The following ZDHHC21 variants were observed in gnomAD, a reference collection of about 807,000 sequenced individuals.
ZDHHC21 encodes the protein palmitoyltransferase ZDHHC21.
ZDHHC21 carries 15 observed loss-of-function variants against 34.6 expected under a neutral mutation model. The observed-to-expected ratio is 0.43, with a 90% CI of 0.29 to 0.67. The LOEUF is 0.67. ZDHHC21 is among the 30% of genes least tolerant of loss of function. The pLI, the probability that ZDHHC21 is intolerant of heterozygous loss-of-function variation, is 0.14. For synonymous variants in ZDHHC21, 142 were observed against 101.8 expected, an observed-to-expected ratio of 1.40 and a Z score of -2.38; for missense variants, 344 against 327.7, an observed-to-expected ratio of 1.05 and a Z score of -0.38.
chr9:14,627,245 A>G lies in ZDHHC21; in HGVS notation c.622-7563T>C, dbSNP rs533264205. Among the ~76,000 whole-genome samples, 568 of 152,298 alleles carry G rather than the reference A, an allele frequency of 3.7e-3. 3 individuals are homozygous for G. The highest frequency in any genetic ancestry group is 0.014 in the Middle Eastern group (4 of 294). ...ACAGTCTCCTTTAAACTGATTTCACACTTGGAACACAAGATACTTTTCAGT... is the reference window on the plus strand; with the variant it reads ...ACAGTCTCCTTTAAACTGATTTCACGCTTGGAACACAAGATACTTTTCAGT... On this transcript the variant is annotated intron_variant, in intron 8 of 9. Coordinates refer to ENST00000380916, the MANE Select transcript of ZDHHC21 (RefSeq NM_178566.6).
chr9:14,669,618 T>C (rs1378010778), intron 5 of ZDHHC21, among the ~76,000 whole-genome samples: 4 of 143,952 alleles, frequency 2.8e-5, no homozygotes, highest in African/African-American at 1.0e-4. Context: ...TGTCCAACAA[T>C]GATAGACTGG....
the ZDHHC21 span, among the ~76,000 whole-genome samples, chr9:14,592,978 A>C: frequency 6.6e-6 from 1 of 152,204 alleles, no homozygotes; most frequent in Non-Finnish European, 1.5e-5. Flanking sequence ...AAAAGAACAC[A>C]GCATATCAAA....
intron 7 of ZDHHC21, among the ~76,000 whole-genome samples, chr9:14,652,409 T>C (rs1320622518): frequency 2.0e-5 from 3 of 152,110 alleles, no homozygotes; most frequent in African/African-American, 7.2e-5. Context: ...TCTTAGTCCT[T>C]ACTTCCTCAA....
the ZDHHC21 span, among the ~76,000 whole-genome samples, chr9:14,599,302 C>T: frequency 6.6e-6 from 1 of 152,110 alleles, no homozygotes; most frequent in Non-Finnish European, 1.5e-5. Flanking sequence ...GAGGATGAGC[C>T]AAAGCAGGGT....
rs115060003 is a variant in ZDHHC21, at chr9:14,625,148, C to T, written c.622-5466G>A. Among the ~76,000 whole-genome samples, 803 of 152,080 alleles carry T rather than the reference C, an allele frequency of 5.3e-3. 10 individuals carry two copies. The highest frequency in any genetic ancestry group is 0.018 in the African/African-American group (765 of 41,532). ...AGCACATACTGTACAAAATGGTCAA[C>T]TTAATATAAATTTGCAGCACTAAAC... On this transcript the variant is annotated intron_variant, in intron 8 of 9. Coordinates refer to ENST00000380916, the MANE Select transcript of ZDHHC21 (RefSeq NM_178566.6).
the ZDHHC21 span, among the ~76,000 whole-genome samples, chr9:14,593,419 T>C: frequency 6.6e-6 from 1 of 152,024 alleles, no homozygotes; most frequent in Non-Finnish European, 1.5e-5. Flanking sequence ...TCCTAGAAAA[T>C]ACATAAATTT....
intron 7 of ZDHHC21, among the ~76,000 whole-genome samples, chr9:14,656,191 C>CATT (rs1832174028): frequency 6.6e-6 from 1 of 151,864 alleles, no homozygotes; most frequent in South Asian, 2.1e-4. Context: ...AACTACTGAA[C>CATT]ATTCATTTGC....
chr9:14,633,386 T>C (rs997495648), intron 8 of ZDHHC21, among the ~76,000 whole-genome samples: 1 of 152,126 alleles, frequency 6.6e-6, no homozygotes, highest in Admixed American at 6.5e-5. Flanking sequence ...TGCAGACTCC[T>C]GCATCCTAGC....
intron 3 of ZDHHC21, among the ~76,000 whole-genome samples, chr9:14,676,094 C>T (rs539671904): frequency 2.0e-5 from 3 of 151,800 alleles, no homozygotes; most frequent in Non-Finnish European, 2.9e-5. Flanking sequence ...ATTAACATGA[C>T]GAAATGTGTA....
Position 14,614,161 on chromosome 9 carries a change from C to A in ZDHHC21, c.*4805G>T, listed in dbSNP as rs1586846942. ...TGCTGAGATGCTGATTATTCATGCA[C>A]CATCTAGCCTTCTCTCCATCTTAGT... On this transcript the variant is annotated 3_prime_UTR_variant, in exon 10 of 10. Coordinates refer to ENST00000380916, the MANE Select transcript of ZDHHC21 (RefSeq NM_178566.6). 1.3e-5 allele frequency: 2 copies of A among 151,790 alleles called. No individual in the cohort carries two copies. Among genetic ancestry groups the A allele is most frequent in the South Asian group, 4.1e-4 (2 of 4,822 alleles). The allele number at this position is 151,790 out of a possible 1,614,324, so 9.4% of individuals were successfully genotyped here.
chr9:14,604,521 G>A, the ZDHHC21 span, among the ~76,000 whole-genome samples: 1,059 of 152,192 alleles, frequency 7.0e-3, 17 homozygotes, highest in African/African-American at 0.024. Context: ...GCTACCTCTA[G>A]GGAGGAAAAC....
At chr9:14,689,878 T>C (rs1170446624) in intron 2 of ZDHHC21, among the ~76,000 whole-genome samples, 1 of 152,136 alleles carries the variant, frequency 6.6e-6, no homozygotes, top group African/African-American at 2.4e-5. Context: ...GCTCACTTCA[T>C]TAGAATCTTC....
At chr9:14,661,520 G>T (rs1395452764) in intron 6 of ZDHHC21, among the ~76,000 whole-genome samples, 2 of 152,154 alleles carry the variant, frequency 1.3e-5, no homozygotes, top group African/African-American at 2.4e-5. Flanking sequence ...TAAGAAAACA[G>T]AATTAAATAC....
chr9:14,607,151 T>C (rs1400676183), downstream of ZDHHC21, among the ~76,000 whole-genome samples: 2 of 150,910 alleles, frequency 1.3e-5, no homozygotes, highest in African/African-American at 2.4e-5. Flanking sequence ...TTTATTGATA[T>C]GAACTGTACA....
At chr9:14,603,255 A>G in the ZDHHC21 span, among the ~76,000 whole-genome samples, 6 of 152,144 alleles carry the variant, frequency 3.9e-5, no homozygotes, top group Admixed American at 6.6e-5. Context: ...TAAACTCCAA[A>G]TTATATTTTT....
intron 8 of ZDHHC21, among the ~76,000 whole-genome samples, chr9:14,620,471 A>G (rs1564194550): frequency 6.6e-6 from 1 of 152,084 alleles, no homozygotes; most frequent in Non-Finnish European, 1.5e-5. Context: ...ACAGTGCAAA[A>G]GAGTACATTC....
chr9:14,622,437 G>T (rs908882900), intron 8 of ZDHHC21: 5 of 754,126 alleles, frequency 6.6e-6, no homozygotes, highest in Non-Finnish European at 8.1e-6. Context: ...TAAGAGAAAA[G>T]GAGAAAGAGA....
chr9:14,599,300 G>C, the ZDHHC21 span, among the ~76,000 whole-genome samples: 1 of 152,176 alleles, frequency 6.6e-6, no homozygotes, highest in Non-Finnish European at 1.5e-5. Context: ...CAGAGGATGA[G>C]CCAAAGCAGG....
At chr9:14,646,298 CTG>C (rs1297674601) in intron 7 of ZDHHC21, among the ~76,000 whole-genome samples, 3 of 152,128 alleles carry the variant, frequency 2.0e-5, no homozygotes, top group African/African-American at 4.8e-5. Context: ...ATTCACTTAA[CTG>C]TTTTTATTTT....
Sources: gnomAD v4.1 joint callset for allele counts (sites outside exome capture counted in the v4.1 genomes callset) on GRCh38, gnomAD v4.1.1 for gene constraint, MANE v1.5 for transcripts, NCBI Gene and HGNC (gene_info 2026-07-23, HGNC 2026-07-21) for gene names.